The following SHISA6 variants were observed in gnomAD, a reference collection of about 807,000 sequenced individuals.
The protein encoded by SHISA6 is shisa family member 6, also known as protein shisa-6.
In SHISA6, 22 loss-of-function variants were observed where a neutral mutation model predicts 47.9. The observed-to-expected ratio is 0.46, with a 90% confidence interval of 0.33 to 0.66. SHISA6 has a LOEUF of 0.66. SHISA6 is among the 30% of genes least tolerant of loss of function. The probability of loss-of-function intolerance (pLI) is 0.02; values close to 1 mark genes in which losing one functional copy is unlikely to be tolerated. For missense variants in SHISA6, 680 were observed against 764.6 expected (o/e 0.89, Z 1.30); for synonymous variants, 388 against 337.8 (o/e 1.15, Z -1.63).
rs754884133 is a variant in SHISA6 at position 11,515,242 on chromosome 17, CAAAAAAAA to C, written c.896-36645_896-36638del. On this transcript the variant is annotated intron_variant, in intron 3 of 5. Transcript: ENST00000441885. ...TGGGTGACAGGGCAAGACTCTTTCT[CAAAAAAAA>C]AAAAAAAAGAAAAAAGAAAATAGAG... Among the ~76,000 whole-genome samples, 34 of 48,428 alleles carry C rather than the reference CAAAAAAAA, an allele frequency of 7.0e-4. 1 individual carries two copies. The highest frequency in any genetic ancestry group is 2.0e-3 in the African/African-American group (33 of 16,294). The allele number at this position is 48,428 out of a possible 152,430, so 31.8% of individuals were successfully genotyped here. A position where few individuals can be genotyped will look rare whatever the true frequency, so the allele number is the denominator to read the frequency against.
Position 11,320,940 on chromosome 17 carries a change from A to G in SHISA6, c.799+57414A>G, listed in dbSNP as rs573558184. On this transcript the variant is annotated intron_variant, in intron 2 of 5. Transcript: ENST00000441885. ...AAATGTGATACCAGACAGATCATAT[A>G]CAGATGTAGATTCCAGAAAATGCTC... Among the ~76,000 whole-genome samples the G allele has an allele frequency of 4.6e-5, 7 of 152,368 alleles. No individual in the cohort carries two copies. The East Asian group carries it at 1.4e-3, about 29-fold the overall frequency.
intron 3 of SHISA6, among the ~76,000 whole-genome samples, chr17:11,533,080 C>G (rs954251331): frequency 6.6e-6 from 1 of 152,108 alleles, no homozygotes; most frequent in Non-Finnish European, 1.5e-5. Context: ...AATGCTGTAT[C>G]CAACAACCAG....
At chr17:11,330,557 C>T (rs537349924) in intron 2 of SHISA6, among the ~76,000 whole-genome samples, 11 of 150,652 alleles carry the variant, frequency 7.3e-5, no homozygotes, top group Non-Finnish European at 1.2e-4. Context: ...TAAAATTAAA[C>T]CTGTTTCTAA....
intron 2 of SHISA6, among the ~76,000 whole-genome samples, chr17:11,294,452 G>A (rs962887579): frequency 2.7e-4 from 41 of 152,198 alleles, no homozygotes; most frequent in Non-Finnish European, 8.8e-5. Flanking sequence ...GGAGAAGGTA[G>A]CAGCTGTGGA....
intron 1 of SHISA6, among the ~76,000 whole-genome samples, chr17:11,259,280 G>C (rs1206995895): frequency 6.6e-6 from 1 of 152,150 alleles, no homozygotes; most frequent in Non-Finnish European, 1.5e-5. Flanking sequence ...TACTAGCTGT[G>C]TGACCTTGGG....
In SHISA6 at chr17:11,318,426, C is replaced by T. The variant is rs145937780; in HGVS notation, c.799+54900C>T. On this transcript the variant is annotated intron_variant, in intron 2 of 5. Coordinates refer to ENST00000441885, the MANE Select transcript of SHISA6 (RefSeq NM_207386.4). The stretch of plus-strand genomic sequence containing the variant: ...TGTGCCAAGCCACAGGGCCTTTGCA[C>T]AAGCTGTTCCATCTTCTTAGAATGC... Among the ~76,000 whole-genome samples the T allele has an allele frequency of 5.2e-3, 793 of 152,352 alleles. 9 individuals are homozygous for T. Among genetic ancestry groups the T allele is most frequent in the African/African-American group, 0.018 (744 of 41,588 alleles).
chr17:11,455,125 C>T (rs1282620862), intron 3 of SHISA6, among the ~76,000 whole-genome samples: 1 of 152,038 alleles, frequency 6.6e-6, no homozygotes, highest in Admixed American at 6.6e-5. Flanking sequence ...GCCGAGATCA[C>T]GCCACTGCAC....
intron 2 of SHISA6, among the ~76,000 whole-genome samples, chr17:11,269,112 G>T (rs2142151006): frequency 6.6e-6 from 1 of 151,776 alleles, no homozygotes; most frequent in African/African-American, 2.4e-5. Context: ...CGCGATCTCA[G>T]CCCATTGCAA....
chr17:11,345,439 C>G (rs1038630722), intron 2 of SHISA6, among the ~76,000 whole-genome samples: 4 of 152,062 alleles, frequency 2.6e-5, no homozygotes. Flanking sequence ...TATTCTTTTA[C>G]TTGAAATTGT....
At chr17:11,495,779 G>A (rs1327842007) in intron 3 of SHISA6, among the ~76,000 whole-genome samples, 1 of 152,174 alleles carries the variant, frequency 6.6e-6, no homozygotes, top group African/African-American at 2.4e-5. Context: ...CATTCTGTAG[G>A]TCCCCTTAGT....
chr17:11,465,832 C>T (rs889373713), intron 3 of SHISA6, among the ~76,000 whole-genome samples: 14 of 152,160 alleles, frequency 9.2e-5, no homozygotes, highest in African/African-American at 3.1e-4. Flanking sequence ...GGAGCCGTGG[C>T]GAACGCAGTC....
intron 3 of SHISA6, among the ~76,000 whole-genome samples, chr17:11,515,049 C>T (rs564660992): frequency 2.8e-4 from 42 of 152,020 alleles, no homozygotes; most frequent in African/African-American, 7.5e-4. Context: ...CTTTAGAGAC[C>T]ACAGTGGGTG....
At chr17:11,429,025 G>A (rs149048745) in intron 3 of SHISA6, among the ~76,000 whole-genome samples, 1,993 of 152,120 alleles carry the variant, frequency 0.013, 20 homozygotes, top group Non-Finnish European at 0.018. Flanking sequence ...TCCTGACCCC[G>A]TGATCCGCCT....
chr17:11,412,346 C>T (rs1345726443), intron 3 of SHISA6, among the ~76,000 whole-genome samples: 1 of 152,048 alleles, frequency 6.6e-6, no homozygotes, highest in Non-Finnish European at 1.5e-5. Context: ...GGGAAAATGG[C>T]ACAGTGTTAC....
intron 2 of SHISA6, among the ~76,000 whole-genome samples, chr17:11,358,669 T>TTTC (rs1034443651): frequency 6.8e-6 from 1 of 147,178 alleles, no homozygotes; most frequent in African/African-American, 2.5e-5. Context: ...AGAATTTCCT[T>TTTC]TTTTTTTTTT....
chr17:11,391,103 A>AGGT (rs1567592832), intron 3 of SHISA6, among the ~76,000 whole-genome samples: 1 of 152,164 alleles, frequency 6.6e-6, no homozygotes, highest in Non-Finnish European at 1.5e-5. Flanking sequence ...CAGGTATTTC[A>AGGT]GGTGGGGGAG....
At chr17:11,557,360 C>A (rs2908955) in intron 5 of SHISA6, among the ~76,000 whole-genome samples, 2 of 152,118 alleles carry the variant, frequency 1.3e-5, no homozygotes, top group African/African-American at 4.8e-5. Context: ...CAGGACCAGG[C>A]GGAGTTCAGG....
chr17:11,286,820 A>G lies in SHISA6; in HGVS notation c.799+23294A>G, dbSNP rs139885308. ...ATTGGGAACCTCTTAGAGGCAGAAC[A>G]CTGCATCCAGCCTTGGAAGGAGGAT... On this transcript the variant is annotated intron_variant, in intron 2 of 5. Transcript: ENST00000441885. Among the ~76,000 whole-genome samples, 14 of 152,330 alleles carry G rather than the reference A, an allele frequency of 9.2e-5. 1 individual carries two copies. The East Asian group carries it at 2.7e-3, about 29-fold the overall frequency.
intron 2 of SHISA6, chr17:11,288,612 T>C (rs1443823629): frequency 6.6e-6 from 1 of 152,186 alleles, no homozygotes; most frequent in Non-Finnish European, 1.5e-5. Context: ...TAGTTTACAT[T>C]TTGGTCTTTA....
Sources: allele counts gnomAD v4.1 joint callset (sites outside exome capture counted in the v4.1 genomes callset), GRCh38; gene constraint gnomAD v4.1.1; transcripts MANE v1.5; gene names NCBI Gene and HGNC (gene_info 2026-07-23, HGNC 2026-07-21).